The following SYN3 variants were observed in gnomAD, a reference collection of about 807,000 sequenced individuals.
SYN3 encodes synapsin-3.
In SYN3, 35 loss-of-function variants were observed where a neutral mutation model predicts 65.8. The ratio of observed to expected loss-of-function variants is 0.53; its 90% CI spans 0.41 to 0.70. The LOEUF is 0.70. Ranked by LOEUF, SYN3 falls within the 30% of genes least tolerant of loss-of-function variation. SYN3 has a pLI of 0.00. For missense variants in SYN3, 680 were observed against 749.0 expected (o/e 0.91, Z 1.08); for synonymous variants, 270 against 292.9 (o/e 0.92, Z 0.80).
chr22:32,772,826 T>G (rs200244734), intron 6 of SYN3, among the ~76,000 whole-genome samples: 1 of 152,184 alleles, frequency 6.6e-6, no homozygotes, highest in African/African-American at 2.4e-5. Context: ...GAAGGGAGGA[T>G]GCCCTGCCAA....
intron 6 of SYN3, among the ~76,000 whole-genome samples, chr22:32,735,881 T>C (rs1291044434): frequency 6.6e-6 from 1 of 152,150 alleles, no homozygotes; most frequent in Non-Finnish European, 1.5e-5. Flanking sequence ...GAGCTTAAGC[T>C]GGCTGACCCG....
intron 7 of SYN3, among the ~76,000 whole-genome samples, chr22:32,552,652 C>CA (rs2058434675): frequency 6.6e-6 from 1 of 151,970 alleles, no homozygotes; most frequent in Admixed American, 6.6e-5. Flanking sequence ...AGAAAAGAAA[C>CA]TTTGATCAGT....
At chr22:32,543,579 C>T (rs1401368582) in intron 7 of SYN3, among the ~76,000 whole-genome samples, 2 of 152,218 alleles carry the variant, frequency 1.3e-5, no homozygotes, top group Admixed American at 6.5e-5. Context: ...CCCACTTCTT[C>T]CTCCCAGCTG....
At chr22:32,607,288 C>G (rs1237918409) in intron 6 of SYN3, among the ~76,000 whole-genome samples, 2 of 152,194 alleles carry the variant, frequency 1.3e-5, no homozygotes, top group Non-Finnish European at 2.9e-5. Flanking sequence ...AGACCTGCCT[C>G]CTGATCCCGG....
At chr22:32,873,876 C>T (rs2048916694) in intron 4 of SYN3, among the ~76,000 whole-genome samples, 1 of 152,068 alleles carries the variant, frequency 6.6e-6, no homozygotes. Context: ...CTTGTAATCC[C>T]AGCATTTTGG....
intron 6 of SYN3, among the ~76,000 whole-genome samples, chr22:32,738,769 A>T (rs1286205086): frequency 1.3e-5 from 2 of 152,248 alleles, no homozygotes; most frequent in African/African-American, 4.8e-5. Flanking sequence ...CATTTTAAAA[A>T]ATGATCATTA....
intron 2 of SYN3, among the ~76,000 whole-genome samples, chr22:32,984,161 C>CAAAAAAAAAAAAAAAAAAAAA (rs35678412): frequency 1.1e-5 from 1 of 93,016 alleles, no homozygotes; most frequent in Non-Finnish European, 2.1e-5. Context: ...AAACTCCATC[C>CAAAAAAAAAAAAAAAAAAAAA]AAAAAAAAAA....
At chr22:32,734,275 G>A (rs1035436880) in intron 6 of SYN3, among the ~76,000 whole-genome samples, 1 of 152,224 alleles carries the variant, frequency 6.6e-6, no homozygotes, top group Admixed American at 6.5e-5. Context: ...CTTACAGGGT[G>A]TTCTTAGCCT....
chr22:32,918,271 G>A (rs1313717897), intron 4 of SYN3, among the ~76,000 whole-genome samples: 2 of 152,210 alleles, frequency 1.3e-5, no homozygotes, highest in Admixed American at 6.5e-5. Context: ...AGTCCAGGGG[G>A]AGACGGGGGA....
At chr22:32,932,201 C>A (rs944924155) in intron 3 of SYN3, among the ~76,000 whole-genome samples, 2 of 151,844 alleles carry the variant, frequency 1.3e-5, no homozygotes, top group Non-Finnish European at 2.9e-5. Context: ...CATCATGACT[C>A]GGTGATTATT....
At chr22:33,022,501 GA>G (rs2053576978) in intron 1 of SYN3, among the ~76,000 whole-genome samples, 3 of 152,324 alleles carry the variant, frequency 2.0e-5, no homozygotes, top group African/African-American at 7.2e-5. Context: ...ACATCAACAG[GA>G]AAACATGCAC....
intron 1 of SYN3, among the ~76,000 whole-genome samples, chr22:33,040,607 C>T (rs1207456987): frequency 6.6e-6 from 1 of 152,192 alleles, no homozygotes; most frequent in Non-Finnish European, 1.5e-5. Context: ...CCACCCAAAT[C>T]TCATCTTGAA....
intron 6 of SYN3, among the ~76,000 whole-genome samples, chr22:32,623,002 C>T (rs973312539): frequency 1.3e-5 from 2 of 152,018 alleles, no homozygotes; most frequent in African/African-American, 2.4e-5. Context: ...GAGACTTGTT[C>T]CTCCTGAACA....
intron 6 of SYN3, among the ~76,000 whole-genome samples, chr22:32,786,017 AG>A (rs2046185185): frequency 2.0e-5 from 3 of 146,550 alleles, no homozygotes; most frequent in Non-Finnish European, 3.0e-5. Context: ...AAGAAGAAGA[AG>A]AAAAAAAAAA....
intron 6 of SYN3, among the ~76,000 whole-genome samples, chr22:32,609,622 G>A (rs1011233806): frequency 4.0e-5 from 6 of 149,214 alleles, no homozygotes; most frequent in South Asian, 2.2e-4. Flanking sequence ...GACTACAAGC[G>A]TGTGCCACCA....
At chr22:32,750,561 T>G (rs974263726) in intron 6 of SYN3, among the ~76,000 whole-genome samples, 3 of 152,112 alleles carry the variant, frequency 2.0e-5, no homozygotes, top group Admixed American at 1.3e-4. Context: ...AGACTCTTTG[T>G]GGGATGGGGC....
intron 6 of SYN3, among the ~76,000 whole-genome samples, chr22:32,797,500 C>T (rs757928715): frequency 1.3e-5 from 2 of 152,018 alleles, no homozygotes; most frequent in Non-Finnish European, 2.9e-5. Context: ...TGGAAGAGTT[C>T]AGTAACTCCT....
intron 4 of SYN3, among the ~76,000 whole-genome samples, chr22:32,886,220 T>C (rs2049284106): frequency 6.6e-6 from 1 of 152,224 alleles, no homozygotes; most frequent in South Asian, 2.1e-4. Context: ...TACAAGACTT[T>C]AATGAGGTCT....
chr22:32,852,235 A>G (rs2048238076), intron 6 of SYN3, among the ~76,000 whole-genome samples: 1 of 152,214 alleles, frequency 6.6e-6, no homozygotes. Context: ...GCAAAACTAC[A>G]GGGTCTTTGC....
Sources: allele counts gnomAD v4.1 joint callset (sites outside exome capture counted in the v4.1 genomes callset), GRCh38; gene constraint gnomAD v4.1.1; transcripts MANE v1.5; gene names NCBI Gene and HGNC (gene_info 2026-07-23, HGNC 2026-07-21).